The following GLG1 variants were observed in gnomAD, a reference collection of about 807,000 sequenced individuals.
The protein encoded by GLG1 is golgi glycoprotein 1, also known as Golgi apparatus protein 1.
In GLG1, 38 loss-of-function variants were observed where a neutral mutation model predicts 160.5. That is an observed-to-expected ratio of 0.24 (90% confidence interval 0.18 to 0.31). The LOEUF is 0.31. Among genes scored for constraint, GLG1 ranks in the 10% least tolerant of loss-of-function variants. The pLI is 1.00. For synonymous variants in GLG1, 644 were observed against 543.4 expected, an observed-to-expected ratio of 1.19 and a Z score of -2.57; for missense variants, 1,373 against 1,505.2, an observed-to-expected ratio of 0.91 and a Z score of 1.45.
intron 24 of GLG1, among the ~76,000 whole-genome samples, chr16:74,457,585 G>T (rs965084583): frequency 6.6e-6 from 1 of 152,120 alleles, no homozygotes; most frequent in Admixed American, 6.6e-5. Context: ...GGACCATGAT[G>T]ATGACTTTAA....
intron 1 of GLG1, among the ~76,000 whole-genome samples, chr16:74,544,745 C>T (rs577591291): frequency 5.3e-4 from 81 of 152,264 alleles, no homozygotes; most frequent in African/African-American, 1.9e-3. Flanking sequence ...TGTGACCCTC[C>T]CACCTCGGCC....
intron 3 of GLG1, 21 bp downstream of exon 3, chr16:74,508,818 C>G: frequency 9.5e-7 from 1 of 1,055,342 alleles, no homozygotes. Flanking sequence ...TAGTTGTCTA[C>G]AAAATTCTTT....
chr16:74,454,666 CAAAAAAAAAAAAAA>C (rs58759187), intron 25 of GLG1, among the ~76,000 whole-genome samples: 6 of 38,494 alleles, frequency 1.6e-4, no homozygotes, highest in Non-Finnish European at 2.3e-4. Context: ...AATCCGTCCC[CAAAAAAAAAAAAAA>C]AAAAAAAAAA....
At chr16:74,547,517 G>C (rs2018081701) in intron 1 of GLG1, among the ~76,000 whole-genome samples, 1 of 152,178 alleles carries the variant, frequency 6.6e-6, no homozygotes, top group Admixed American at 6.5e-5. Context: ...TTGGAATAGT[G>C]AGGAAACAAC....
intron 1 of GLG1, among the ~76,000 whole-genome samples, chr16:74,560,986 T>G (rs780367803): frequency 1.3e-5 from 2 of 152,266 alleles, no homozygotes; most frequent in Non-Finnish European, 2.9e-5. Context: ...TATTTCAAAT[T>G]GAATGAATTT....
At chr16:74,580,903 T>A (rs544674181) in intron 1 of GLG1, among the ~76,000 whole-genome samples, 1 of 152,288 alleles carries the variant, frequency 6.6e-6, no homozygotes, top group South Asian at 2.1e-4. Context: ...AAACTCCATC[T>A]CTACTAAAAA....
intron 1 of GLG1, among the ~76,000 whole-genome samples, chr16:74,567,857 C>T (rs959876189): frequency 2.0e-5 from 3 of 151,962 alleles, no homozygotes; most frequent in Admixed American, 6.6e-5. Flanking sequence ...CGTGAGCCAC[C>T]GCGCCCGGCC....
At chr16:74,503,144 C>CTG (rs935943808) in intron 4 of GLG1, among the ~76,000 whole-genome samples, 13 of 151,800 alleles carry the variant, frequency 8.6e-5, no homozygotes. Flanking sequence ...GAGGCTGAGG[C>CTG]TGCAATGAGC....
intron 4 of GLG1, among the ~76,000 whole-genome samples, chr16:74,501,905 C>CCA: frequency 6.6e-6 from 1 of 152,254 alleles, no homozygotes; most frequent in South Asian, 2.1e-4. Flanking sequence ...TTATGCCAAG[C>CCA]CACAGAGTTT....
chr16:74,471,535 G>C (rs2015209102), intron 14 of GLG1, among the ~76,000 whole-genome samples: 1 of 152,048 alleles, frequency 6.6e-6, no homozygotes, highest in Non-Finnish European at 1.5e-5. Context: ...CCGAAAAGCA[G>C]CTGGCTTTTG....
intron 9 of GLG1, among the ~76,000 whole-genome samples, chr16:74,484,566 G>A (rs545112607): frequency 8.6e-5 from 13 of 151,972 alleles, no homozygotes; most frequent in South Asian, 4.2e-4. Context: ...TTCAAGACCA[G>A]CCTAACCAAC....
At chr16:74,564,305 G>A (rs2018591122) in intron 1 of GLG1, among the ~76,000 whole-genome samples, 1 of 152,162 alleles carries the variant, frequency 6.6e-6, no homozygotes, top group Non-Finnish European at 1.5e-5. Context: ...TGGCTGCTTG[G>A]TTGAAATGAG....
In GLG1 at chr16:74,450,469, C is replaced by T. The variant is rs2014245209; in HGVS notation, c.*2698G>A. 2 of 152,182 alleles carry T rather than the reference C, an allele frequency of 1.3e-5. No homozygotes were observed. The highest frequency in any genetic ancestry group is 4.8e-5 in the African/African-American group (2 of 41,442). 9.4% of individuals were successfully genotyped at this position (152,182 alleles called of 1,614,324 possible). On this transcript the variant is annotated 3_prime_UTR_variant, in exon 26 of 26. Transcript: ENST00000422840. ...CAAGAGCCAGTCATTGGAAAATGCT[C>T]CAAGTAAGATGATGAAAGACATTCT... is the stretch of plus-strand genomic sequence containing the variant.
chr16:74,590,459 A>C (rs8061156), intron 1 of GLG1, among the ~76,000 whole-genome samples: 107,235 of 150,976 alleles, frequency 0.71, 38,708 homozygotes, highest in African/African-American at 0.83. Context: ...CTCTACTAAA[A>C]ATACAAAAAA....
intron 14 of GLG1, among the ~76,000 whole-genome samples, chr16:74,471,639 T>A (rs980618890): frequency 6.6e-6 from 1 of 152,164 alleles, no homozygotes; most frequent in African/African-American, 2.4e-5. Flanking sequence ...TAAATGAATA[T>A]GAAATAGTCA....
At position 74,606,988 on chromosome 16, in the gene GLG1, T is replaced by G. The variant is rs749137740; in HGVS notation, c.107A>C (p.His36Pro). The G allele has an allele frequency of 1.2e-6, 2 of 1,606,910 alleles. No homozygotes were observed. The highest frequency in any genetic ancestry group is 3.4e-5 in the Admixed American group (2 of 59,288). The change falls in exon 1 of 26, where the codon CAC becomes CCC. Residue 36 changes from histidine to proline, a missense_variant. By Grantham distance (77) the His-to-Pro change is moderately conservative. Transcript: ENST00000422840. The part of the protein sequence containing the change: ...GAEKLPGQGV[H>P]SQGQGPGANF... ...GGCCCCGGGACCCTGGCCCTGGCTG[T>G]GGACGCCCTGGCCGGGGAGTTTCTC...
chr16:74,569,794 C>G (rs1461123219), intron 1 of GLG1, among the ~76,000 whole-genome samples: 2 of 145,370 alleles, frequency 1.4e-5, no homozygotes, highest in Non-Finnish European at 3.0e-5. Context: ...ACCTGGGGAA[C>G]AGAGTTCCAG....
intron 10 of GLG1, 138 bp downstream of exon 10, chr16:74,482,885 G>C (rs572175853): frequency 1.6e-6 from 1 of 639,014 alleles, no homozygotes; most frequent in Non-Finnish European, 2.8e-6. Context: ...TAGTTTTTCA[G>C]GGGATTGGAG....
intron 11 of GLG1, among the ~76,000 whole-genome samples, chr16:74,478,613 C>A (rs180762279): frequency 2.7e-4 from 41 of 152,158 alleles, no homozygotes; most frequent in African/African-American, 9.6e-4. Flanking sequence ...CTGAATTTTT[C>A]TCTTTAAAAT....
Sources: allele counts gnomAD v4.1 joint callset (sites outside exome capture counted in the v4.1 genomes callset), GRCh38; gene constraint gnomAD v4.1.1; transcripts MANE v1.5; gene names NCBI Gene and HGNC (gene_info 2026-07-23, HGNC 2026-07-21).